SPMIP3: variants seen among roughly 807,000 people sequenced by gnomAD.
SPMIP3 encodes the protein protein SPMIP3.
At chr1:244,356,884 A>G in the SPMIP3 span, among the ~76,000 whole-genome samples, 2 of 150,862 alleles carry the variant, frequency 1.3e-5, no homozygotes, top group Non-Finnish European at 2.9e-5. Flanking sequence ...GACAAAATAG[A>G]CAACCCTTCC....
At chr1:244,372,845 G>T in the SPMIP3 span, among the ~76,000 whole-genome samples, 1 of 152,122 alleles carries the variant, frequency 6.6e-6, no homozygotes, top group Non-Finnish European at 1.5e-5. Context: ...CCTTCCCAAT[G>T]ATGGCCATTT....
chr1:244,363,371 G>A, the SPMIP3 span, among the ~76,000 whole-genome samples: 1 of 151,414 alleles, frequency 6.6e-6, no homozygotes. Context: ...TTGTGCCACT[G>A]CACTCCAACC....
At chr1:244,386,208 G>A in the SPMIP3 span, among the ~76,000 whole-genome samples, 1 of 152,038 alleles carries the variant, frequency 6.6e-6, no homozygotes, top group South Asian at 2.1e-4. Flanking sequence ...TTGTTAAAGA[G>A]TGATATTATA....
the SPMIP3 span, among the ~76,000 whole-genome samples, chr1:244,366,740 C>T: frequency 2.0e-5 from 3 of 151,966 alleles, no homozygotes; most frequent in Non-Finnish European, 4.4e-5. Flanking sequence ...ATTAGCCAGG[C>T]GTGGTGGCAC....
chr1:244,370,183 A>C, the SPMIP3 span, among the ~76,000 whole-genome samples: 2 of 151,310 alleles, frequency 1.3e-5, no homozygotes, highest in South Asian at 4.1e-4. Flanking sequence ...GATGTTAGCC[A>C]CCAAGTACAA....
chr1:244,372,780 G>A, the SPMIP3 span, among the ~76,000 whole-genome samples: 2 of 152,170 alleles, frequency 1.3e-5, no homozygotes, highest in Non-Finnish European at 2.9e-5. Flanking sequence ...CTCAGAATCT[G>A]TGGGACATCC....
chr1:244,363,743 T>A, the SPMIP3 span, among the ~76,000 whole-genome samples: 1 of 152,216 alleles, frequency 6.6e-6, no homozygotes, highest in African/African-American at 2.4e-5. Context: ...CTTCAGCCAC[T>A]GCCTTCGCAA....
At chr1:244,375,536 G>C in the SPMIP3 span, 1 of 1,264,406 alleles carries the variant, frequency 7.9e-7, no homozygotes, top group Non-Finnish European at 1.1e-6. Flanking sequence ...AGGGGTCGGC[G>C]GGGGGAAGAT....
the SPMIP3 span, among the ~76,000 whole-genome samples, chr1:244,357,249 T>C: frequency 1.1e-5 from 1 of 87,866 alleles, no homozygotes; most frequent in Non-Finnish European, 2.9e-5. Flanking sequence ...ATAAACAAGA[T>C]ACATAAGTAA....
the SPMIP3 span, chr1:244,364,872 C>T: frequency 4.5e-6 from 5 of 1,102,140 alleles, no homozygotes; most frequent in African/African-American, 3.1e-5. Context: ...CCAGGGAGTT[C>T]TAGGGAAGCT....
At chr1:244,356,129 T>C in the SPMIP3 span, among the ~76,000 whole-genome samples, 1 of 152,236 alleles carries the variant, frequency 6.6e-6, no homozygotes, top group Non-Finnish European at 1.5e-5. Context: ...TTCCTTTTCT[T>C]GTCTTATTGT....
At chr1:244,389,137 C>G in the SPMIP3 span, 8 of 1,149,156 alleles carry the variant, frequency 7.0e-6, no homozygotes, top group African/African-American at 9.3e-5. Context: ...TTAATGGCAG[C>G]AGAACTACTT....
chr1:244,369,289 C>T, the SPMIP3 span, among the ~76,000 whole-genome samples: 4 of 152,224 alleles, frequency 2.6e-5, no homozygotes, highest in Non-Finnish European at 5.9e-5. Context: ...CTGAAAAGAT[C>T]ACTTTAAGTG....
chr1:244,370,897 G>A, the SPMIP3 span, among the ~76,000 whole-genome samples: 1 of 152,120 alleles, frequency 6.6e-6, no homozygotes, highest in Non-Finnish European at 1.5e-5. Context: ...ATAAAGCAGA[G>A]AGTTAATCAT....
At chr1:244,373,905 G>A in the SPMIP3 span, among the ~76,000 whole-genome samples, 1 of 152,058 alleles carries the variant, frequency 6.6e-6, no homozygotes. Context: ...CTTGAGGCCA[G>A]GAGTTTGAGA....
the SPMIP3 span, among the ~76,000 whole-genome samples, chr1:244,362,504 C>G: frequency 5.3e-5 from 8 of 152,124 alleles, no homozygotes; most frequent in Non-Finnish European, 1.0e-4. Flanking sequence ...GGTACATAAT[C>G]CATGATTGTC....
chr1:244,372,792 GA>G, the SPMIP3 span, among the ~76,000 whole-genome samples: 1 of 152,092 alleles, frequency 6.6e-6, no homozygotes, highest in Non-Finnish European at 1.5e-5. Flanking sequence ...GGGACATCCC[GA>G]AAGACCCCAC....
the SPMIP3 span, among the ~76,000 whole-genome samples, chr1:244,377,510 C>T: frequency 6.6e-6 from 1 of 152,214 alleles, no homozygotes; most frequent in Non-Finnish European, 1.5e-5. Flanking sequence ...TGCAAGTTGT[C>T]CCACTCTTTT....
chr1:244,375,458 G>T, the SPMIP3 span: 3 of 1,613,498 alleles, frequency 1.9e-6, no homozygotes, highest in South Asian at 3.3e-5. Flanking sequence ...AGTGCAAAGA[G>T]AGCTCCCAGG....
Sources: gnomAD v4.1 joint callset for allele counts (sites outside exome capture counted in the v4.1 genomes callset) on GRCh38, gnomAD v4.1.1 for gene constraint, MANE v1.5 for transcripts, NCBI Gene and HGNC (gene_info 2026-07-23, HGNC 2026-07-21) for gene names.